Variants in KIF3C observed in about 807,000 individuals in gnomAD.
The protein encoded by KIF3C is kinesin-like protein KIF3C.
A neutral mutation model predicts 67.7 loss-of-function variants in KIF3C; 12 were observed. The ratio of observed to expected loss-of-function variants is 0.18; its 90% CI spans 0.11 to 0.29. KIF3C has a LOEUF of 0.29. Ranked by LOEUF, KIF3C falls within the 10% of genes least tolerant of loss-of-function variation. The probability of loss-of-function intolerance (pLI) is 1.00; values close to 1 mark genes in which losing one functional copy is unlikely to be tolerated. For synonymous variants in KIF3C, 393 were observed against 426.2 expected, an observed-to-expected ratio of 0.92 and a Z score of 0.96; for missense variants, 789 against 1,059.6, an observed-to-expected ratio of 0.74 and a Z score of 3.55.
At chr2:25,940,244 A>T (rs1663247397) in intron 5 of KIF3C, among the ~76,000 whole-genome samples, 1 of 152,116 alleles carries the variant, frequency 6.6e-6, no homozygotes, top group African/African-American at 2.4e-5. Flanking sequence ...CACTTTACAG[A>T]TGAAAAAATT....
intron 5 of KIF3C, among the ~76,000 whole-genome samples, chr2:25,937,303 T>C (rs1663154113): frequency 1.3e-5 from 2 of 152,282 alleles, no homozygotes; most frequent in South Asian, 2.1e-4. Context: ...CAGCTGGCAG[T>C]GATGGGAAAT....
At chr2:25,942,428 GA>G (rs1303871373) in intron 5 of KIF3C, among the ~76,000 whole-genome samples, 6 of 146,096 alleles carry the variant, frequency 4.1e-5, no homozygotes, top group African/African-American at 1.5e-4. Flanking sequence ...TTTTTTTTTT[GA>G]GATGGAGTTT....
At chr2:25,941,264 A>G (rs1310641789) in intron 5 of KIF3C, among the ~76,000 whole-genome samples, 2 of 152,146 alleles carry the variant, frequency 1.3e-5, no homozygotes, top group South Asian at 2.1e-4. Flanking sequence ...TGATTGTGCC[A>G]CTGCATTCCA....
intron 4 of KIF3C, among the ~76,000 whole-genome samples, chr2:25,952,556 TATATATA>T (rs1255501299): frequency 2.3e-5 from 2 of 88,322 alleles, no homozygotes; most frequent in African/African-American, 1.0e-4. Context: ...TGTGTATATA[TATATATA>T]TTTTTTTTTT....
intron 1 of KIF3C, among the ~76,000 whole-genome samples, chr2:25,971,796 C>A (rs1664289775): frequency 6.6e-6 from 1 of 150,428 alleles, no homozygotes; most frequent in East Asian, 1.9e-4. Flanking sequence ...AAACCTCGAA[C>A]TCCTAGGCTC....
chr2:25,982,336 T>TGCCGGTCGTGGGCG lies in KIF3C; in HGVS notation c.-433_-420dup. The TGCCGGTCGTGGGCG allele has an allele frequency of 2.5e-6, 1 of 399,002 alleles. No individual in the cohort carries two copies. The allele number at this position is 399,002 out of a possible 1,614,324, so 24.7% of individuals were successfully genotyped here. ...TCCTCTAGGGATCCATAGCGTGGGC[T>TGCCGGTCGTGGGCG]GCCGGTCGTGGGCGGCCGGGGGTCC... On this transcript the variant is annotated 5_prime_UTR_variant, in exon 1 of 8. An upstream open reading frame in the 5' UTR gains an earlier in-frame stop. Transcript: ENST00000264712.
Position 25,978,871 on chromosome 2 carries a change from C to T in KIF3C, c.1545+1502G>A, listed in dbSNP as rs577145230. 2.6e-5 allele frequency among the ~76,000 whole-genome samples: 4 copies of T among 152,250 alleles called. No homozygotes were observed. The South Asian group carries it at 8.3e-4, about 32-fold the overall frequency. ...GCCCTGCCTCTAATATCTTGCTTCTCTCAGGATGTCCCTAAAGGTTCCAGG... is the reference window on the plus strand; with the variant it reads ...GCCCTGCCTCTAATATCTTGCTTCTTTCAGGATGTCCCTAAAGGTTCCAGG... On this transcript the variant is annotated intron_variant, in intron 1 of 7. Transcript: ENST00000264712.
chr2:25,929,033 T>A lies in KIF3C; in HGVS notation c.2327A>T (p.His776Leu), dbSNP rs1203391655. 1 of 1,613,716 alleles carries A rather than the reference T, an allele frequency of 6.2e-7. No individual in the cohort carries two copies. The highest frequency in any genetic ancestry group is 1.1e-5 in the South Asian group (1 of 91,082). ...CAGAGAAGCAGAGGCCAGGGAGGCA[T>A]GTGTGGTGGAAGGTGGAGGCCGCTG... ...SPQRPPPSTT[H>L]ASLASASLRP... Residue 776 changes from histidine (H) to leucine (L), a missense_variant, in exon 8 of 8, where the codon CAT becomes CTT. By Grantham distance (99) the His-to-Leu change is moderately conservative. Around this residue, in one of 2 missense-constraint regions of KIF3C, gnomAD observed 648 missense variants for 807.8 expected, o/e 0.80. Transcript: ENST00000264712.
intron 5 of KIF3C, among the ~76,000 whole-genome samples, chr2:25,930,732 T>G (rs2090452195): frequency 6.6e-6 from 1 of 151,982 alleles, no homozygotes. Flanking sequence ...AGAGACAGGG[T>G]TTCTCCATGT....
chr2:25,980,297 A>G lies in KIF3C; in HGVS notation c.1545+76T>C. The G allele has an allele frequency of 1.2e-5, 14 of 1,216,404 alleles. No homozygotes were observed. Among genetic ancestry groups the G allele is most frequent in the Non-Finnish European group, 1.5e-5 (13 of 863,336 alleles). The allele number at this position is 1,216,404 out of a possible 1,614,324, so 75.4% of individuals were successfully genotyped here. ...ACCTCCACTTCAGGCCAGGTCACAG[A>G]CTCTCAAAGAAGAGCCTCCTTGCCG... On this transcript the variant is annotated intron_variant, in intron 1 of 7. Transcript: ENST00000264712. The surrounding 1 kb of genome is among the most constrained non-coding windows in gnomAD (Gnocchi z 7.6).
At chr2:25,975,750 A>C (rs1449460462) in intron 1 of KIF3C, among the ~76,000 whole-genome samples, 1 of 152,066 alleles carries the variant, frequency 6.6e-6, no homozygotes, top group East Asian at 1.9e-4. Context: ...TGAGGTCAGG[A>C]GATCCAGACC....
chr2:25,936,071 A>G (rs1663113368), intron 5 of KIF3C, among the ~76,000 whole-genome samples: 1 of 151,882 alleles, frequency 6.6e-6, no homozygotes, highest in African/African-American at 2.4e-5. Context: ...TGGACAACAG[A>G]GTGAGACTCA....
At chr2:25,946,014 G>T (rs539088837) in intron 5 of KIF3C, among the ~76,000 whole-genome samples, 1 of 152,194 alleles carries the variant, frequency 6.6e-6, no homozygotes, top group African/African-American at 2.4e-5. Context: ...TCAGGAGGCT[G>T]AGGCAGGAGA....
chr2:25,966,068 C>A (rs969007847), intron 1 of KIF3C, among the ~76,000 whole-genome samples: 2 of 151,816 alleles, frequency 1.3e-5, no homozygotes, highest in African/African-American at 2.4e-5. Flanking sequence ...GAAGTGGAGT[C>A]CTTGAAGCCT....
intron 5 of KIF3C, among the ~76,000 whole-genome samples, chr2:25,934,620 G>A (rs1663024469): frequency 2.0e-5 from 3 of 151,964 alleles, no homozygotes; most frequent in South Asian, 4.1e-4. Context: ...GAATTAGATA[G>A]TGGTGACGGT....
intron 1 of KIF3C, among the ~76,000 whole-genome samples, chr2:25,963,927 G>T (rs1664075768): frequency 6.6e-6 from 1 of 152,014 alleles, no homozygotes; most frequent in African/African-American, 2.4e-5. Context: ...TGCTGACCTT[G>T]TGATCCGCCC....
Position 25,955,260 on chromosome 2 carries a change from G to A in KIF3C, c.1770+281C>T, listed in dbSNP as rs997129644. Among the ~76,000 whole-genome samples the A allele has an allele frequency of 6.6e-6, 1 of 152,222 alleles. No individual in the cohort carries two copies. The highest frequency in any genetic ancestry group is 2.1e-4 in the South Asian group (1 of 4,824). ...CTGTGACTCACTGGTGACACTGAACGGGGTAATCACCCAGGACCATGAAGA... is the reference window on the plus strand; with the variant it reads ...CTGTGACTCACTGGTGACACTGAACAGGGTAATCACCCAGGACCATGAAGA... On this transcript the variant is annotated intron_variant, in intron 3 of 7. Transcript: ENST00000264712. This position sits in a 1 kb window ranked among gnomAD's most constrained non-coding sequence, Gnocchi z 5.0.
chr2:25,966,954 A>T (rs1664157506), intron 1 of KIF3C, among the ~76,000 whole-genome samples: 1 of 152,210 alleles, frequency 6.6e-6, no homozygotes, highest in Non-Finnish European at 1.5e-5. Context: ...GATTTGCTCA[A>T]GGTTTGGAGC....
At chr2:25,967,196 G>A (rs1158068441) in intron 1 of KIF3C, among the ~76,000 whole-genome samples, 4 of 152,206 alleles carry the variant, frequency 2.6e-5, no homozygotes, top group Non-Finnish European at 5.9e-5. Flanking sequence ...TTCTGCCTGT[G>A]TGAGAGTCTT....
Sources: allele counts gnomAD v4.1 joint callset (sites outside exome capture counted in the v4.1 genomes callset), GRCh38; gene constraint gnomAD v4.1.1; regional missense constraint gnomAD v4.1.1; non-coding constraint Gnocchi (gnomAD v3.1); transcripts MANE v1.5; gene names NCBI Gene and HGNC (gene_info 2026-07-23, HGNC 2026-07-21).